Variants in ARHGAP24 observed in about 807,000 individuals in gnomAD.
The protein encoded by ARHGAP24 is Rho GTPase activating protein 24.
In ARHGAP24, 50 loss-of-function variants were observed where a neutral mutation model predicts 76.4. The ratio of observed to expected loss-of-function variants is 0.65; its 90% CI spans 0.52 to 0.83. ARHGAP24 has a LOEUF of 0.83. Among genes scored for constraint, ARHGAP24 ranks in the 40% least tolerant of loss-of-function variants. ARHGAP24 has a pLI of 0.00. For missense variants in ARHGAP24, 930 were observed against 914.2 expected (o/e 1.02, Z -0.22); for synonymous variants, 345 against 323.3 (o/e 1.07, Z -0.72).
intron 4 of ARHGAP24, chr4:85,930,858 T>A (rs1486092267): frequency 1.9e-6 from 3 of 1,604,774 alleles, no homozygotes; most frequent in African/African-American, 1.3e-5. Flanking sequence ...GCATGAGGAG[T>A]GGCTGTTGGG....
chr4:85,767,140 T>G (rs1249039226), intron 3 of ARHGAP24, among the ~76,000 whole-genome samples: 1 of 152,152 alleles, frequency 6.6e-6, no homozygotes, highest in Admixed American at 6.5e-5. Context: ...ATTCACACAA[T>G]GTAAAGTGGC....
chr4:85,903,831 T>G (rs1317317134), intron 3 of ARHGAP24, among the ~76,000 whole-genome samples: 2 of 152,132 alleles, frequency 1.3e-5, no homozygotes. Context: ...CCAAAATATA[T>G]TCCATAAAAC....
intron 9 of ARHGAP24, among the ~76,000 whole-genome samples, 192 bp downstream of exon 9, chr4:85,995,849 C>A (rs1740631229): frequency 6.6e-6 from 1 of 152,064 alleles, no homozygotes; most frequent in Admixed American, 6.6e-5. Flanking sequence ...CTAATGTAAA[C>A]AATTTAAATA....
At chr4:85,998,985 GTTTTAT>G (rs1740844696) in intron 9 of ARHGAP24, among the ~76,000 whole-genome samples, 1 of 152,120 alleles carries the variant, frequency 6.6e-6, no homozygotes, top group South Asian at 2.1e-4. Context: ...TGAAGCTGCT[GTTTTAT>G]TTTAACCTTG....
At chr4:85,760,557 T>TAG (rs1726695709) in intron 3 of ARHGAP24, among the ~76,000 whole-genome samples, 1 of 152,194 alleles carries the variant, frequency 6.6e-6, no homozygotes, top group Non-Finnish European at 1.5e-5. Flanking sequence ...ATTTGAGTAA[T>TAG]CTGCTTCCAA....
intron 3 of ARHGAP24, among the ~76,000 whole-genome samples, chr4:85,843,547 T>C (rs760506958): frequency 1.3e-5 from 2 of 151,990 alleles, no homozygotes; most frequent in African/African-American, 2.4e-5. Context: ...TTTGTATAAA[T>C]TCATGAGTAG....
intron 3 of ARHGAP24, among the ~76,000 whole-genome samples, chr4:85,853,383 C>T (rs12152608): frequency 0.48 from 72,334 of 152,016 alleles, 18,715 homozygotes; most frequent in East Asian, 0.86. Flanking sequence ...CAGTCTGTCA[C>T]AGCTTCCCTT....
At chr4:85,825,721 CA>C in intron 3 of ARHGAP24, among the ~76,000 whole-genome samples, 1 of 152,276 alleles carries the variant, frequency 6.6e-6, no homozygotes, top group Non-Finnish European at 1.5e-5. Flanking sequence ...TAAAAAAAAT[CA>C]AAACTCATTT....
In ARHGAP24 at chr4:85,659,863, A is replaced by G. The variant is rs376508063; in HGVS notation, c.181-62022A>G. 8.5e-5 allele frequency among the ~76,000 whole-genome samples: 13 copies of G among 152,326 alleles called. No homozygotes were observed. The South Asian group carries it at 1.0e-3, about 12-fold the overall frequency. On this transcript the variant is annotated intron_variant, in intron 2 of 9. Transcript: ENST00000395184. ...AGGGGTAGTACCACACACTTCCCCA[A>G]GCAGCATTTCTGATAACTTAGAATA... is the stretch of plus-strand genomic sequence containing the variant.
chr4:85,929,512 T>G (rs189666637), intron 4 of ARHGAP24, among the ~76,000 whole-genome samples: 2 of 152,292 alleles, frequency 1.3e-5, no homozygotes, highest in Admixed American at 1.3e-4. Flanking sequence ...AAGTAAATTG[T>G]TCAGTGAGTA....
chr4:85,577,548 A>G (rs1727430607), intron 2 of ARHGAP24, among the ~76,000 whole-genome samples: 1 of 152,156 alleles, frequency 6.6e-6, no homozygotes, highest in Non-Finnish European at 1.5e-5. Flanking sequence ...CTGGACTTGG[A>G]GCCTAGATTG....
chr4:85,592,691 A>T (rs1728167147), intron 2 of ARHGAP24, among the ~76,000 whole-genome samples: 1 of 152,110 alleles, frequency 6.6e-6, no homozygotes, highest in Non-Finnish European at 1.5e-5. Context: ...CCATGAGTTC[A>T]ATTGTTTTAA....
intron 2 of ARHGAP24, among the ~76,000 whole-genome samples, chr4:85,685,438 C>T (rs1723382154): frequency 6.6e-6 from 1 of 152,042 alleles, no homozygotes; most frequent in Non-Finnish European, 1.5e-5. Context: ...CGAGACCATC[C>T]TGGCTAACAT....
intron 2 of ARHGAP24, among the ~76,000 whole-genome samples, chr4:85,587,385 G>A (rs1727905637): frequency 6.6e-6 from 1 of 152,288 alleles, no homozygotes; most frequent in South Asian, 2.1e-4. Flanking sequence ...TGCTATAATA[G>A]TTAGTAGTTA....
intron 1 of ARHGAP24, among the ~76,000 whole-genome samples, chr4:85,518,675 G>A (rs548177396): frequency 6.6e-6 from 1 of 152,170 alleles, no homozygotes; most frequent in South Asian, 2.1e-4. Context: ...TCTCATCCAG[G>A]TCACTGCAAA....
At chr4:85,502,004 G>C (rs1026507920) in intron 1 of ARHGAP24, among the ~76,000 whole-genome samples, 3 of 151,950 alleles carry the variant, frequency 2.0e-5, no homozygotes, top group Admixed American at 6.6e-5. Flanking sequence ...TCTTGTTTTT[G>C]TCAGGTTTGT....
At chr4:85,603,021 G>C (rs1391408711) in intron 2 of ARHGAP24, among the ~76,000 whole-genome samples, 2 of 152,220 alleles carry the variant, frequency 1.3e-5, no homozygotes, top group Middle Eastern at 3.4e-3. Context: ...TCAGTAACAT[G>C]AGCAAAATGC....
At chr4:85,902,947 G>C (rs1734584625) in intron 3 of ARHGAP24, among the ~76,000 whole-genome samples, 1 of 152,186 alleles carries the variant, frequency 6.6e-6, no homozygotes, top group South Asian at 2.1e-4. Context: ...AAACTTAAAA[G>C]TTACTAGTTG....
chr4:85,651,243 A>G (rs1241180345), intron 2 of ARHGAP24, among the ~76,000 whole-genome samples: 1 of 149,428 alleles, frequency 6.7e-6, no homozygotes, highest in Non-Finnish European at 1.5e-5. Context: ...TGTAATGGAA[A>G]GATATTAAAG....
Sources: gnomAD v4.1 joint callset for allele counts (sites outside exome capture counted in the v4.1 genomes callset) on GRCh38, gnomAD v4.1.1 for gene constraint, MANE v1.5 for transcripts, NCBI Gene and HGNC (gene_info 2026-07-23, HGNC 2026-07-21) for gene names.